The following SIK3 variants were observed in gnomAD, a reference collection of about 807,000 sequenced individuals.
SIK3 encodes the protein SIK family kinase 3.
Under a neutral mutation model 144.2 loss-of-function variants are expected in SIK3, and 28 were observed. The observed-to-expected ratio is 0.19, with a 90% CI of 0.14 to 0.27. The LOEUF is 0.27. Among genes scored for constraint, SIK3 ranks in the 10% least tolerant of loss-of-function variants. SIK3 has a pLI of 1.00. For synonymous variants in SIK3, 686 were observed against 676.3 expected, an observed-to-expected ratio of 1.01 and a Z score of -0.22; for missense variants, 1,319 against 1,776.0, an observed-to-expected ratio of 0.74 and a Z score of 4.62.
In SIK3 at chr11:117,098,201, A is replaced by G; in HGVS notation, c.215T>C (p.Ile72Thr). 6.6e-7 allele frequency: 1 copy of G among 1,520,502 alleles called. No individual in the cohort carries two copies. The highest frequency in any genetic ancestry group is 8.8e-7 in the Non-Finnish European group (1 of 1,134,638). The allele number at this position is 1,520,502 out of a possible 1,614,324, so 94.2% of individuals were successfully genotyped here. A position where few individuals can be genotyped will look rare whatever the true frequency, so the allele number is the denominator to read the frequency against. The change falls in exon 1 of 25, where the codon ATC becomes ACC. Residue 72 changes from isoleucine (I) to threonine (T), a missense_variant. By Grantham distance (89) the Ile-to-Thr change is moderately conservative. Transcript: ENST00000445177. ...GACCACCGCGAAGTTGCCCTTGCCG[A>G]TGGTGCGGTCGATCTCGTAGTAGCC... The part of the protein sequence containing the change: ...RIGYYEIDRT[I>T]GKGNFAVVKR...
In SIK3 at chr11:116,927,373, C is replaced by T. The variant is rs141017899; in HGVS notation, c.462G>A (p.Leu154=). The T allele has an allele frequency of 2.0e-5, 32 of 1,612,088 alleles. No individual in the cohort carries two copies. The East Asian group carries it at 7.1e-4, about 36-fold the overall frequency. ...YASGGEIFDH[L]VAHGRMAEKE... ...TTTCTGCCATTCTACCATGGGCCAC[C>T]AGGTGGTCTGTGTTGAAGAAGAATA... Residue 154 remains leucine, a synonymous_variant, in exon 4 of 25, where the codon CTG becomes CTA. Transcript: ENST00000445177.
intron 6 of SIK3, among the ~76,000 whole-genome samples, chr11:116,888,904 G>A (rs1400726833): frequency 6.6e-6 from 1 of 152,204 alleles, no homozygotes; most frequent in Non-Finnish European, 1.5e-5. Flanking sequence ...CTGACAGCAT[G>A]CTTAGCTGTT....
chr11:116,982,193 G>A (rs1015791527), intron 1 of SIK3, among the ~76,000 whole-genome samples: 1 of 152,024 alleles, frequency 6.6e-6, no homozygotes, highest in East Asian at 1.9e-4. Context: ...CTATGCTTAG[G>A]TACTACTTGT....
chr11:116,948,601 A>G (rs895629452), intron 3 of SIK3, among the ~76,000 whole-genome samples: 1 of 152,078 alleles, frequency 6.6e-6, no homozygotes, highest in African/African-American at 2.4e-5. Context: ...AAGGGACTGT[A>G]GTAATGTTCC....
At chr11:117,003,052 C>T (rs1950910474) in intron 1 of SIK3, among the ~76,000 whole-genome samples, 1 of 152,110 alleles carries the variant, frequency 6.6e-6, no homozygotes. Context: ...TTTGTAGTTG[C>T]CAGAGCAATA....
At chr11:117,087,422 G>A (rs952015652) in intron 1 of SIK3, among the ~76,000 whole-genome samples, 4 of 151,714 alleles carry the variant, frequency 2.6e-5, no homozygotes, top group African/African-American at 9.8e-5. Flanking sequence ...CAGCCTGGGT[G>A]ACAGAGCAAG....
chr11:117,055,679 G>C (rs758501503), intron 1 of SIK3, among the ~76,000 whole-genome samples: 1 of 152,244 alleles, frequency 6.6e-6, no homozygotes, highest in Non-Finnish European at 1.5e-5. Context: ...ACTTGGCTAG[G>C]GCCACAGTTT....
intron 1 of SIK3, among the ~76,000 whole-genome samples, chr11:117,003,872 C>T (rs1950946261): frequency 6.6e-6 from 1 of 152,090 alleles, no homozygotes; most frequent in African/African-American, 2.4e-5. Flanking sequence ...ATAGATTGGT[C>T]CCCATTGCTG....
At chr11:116,926,267 C>T (rs1354054793) in intron 4 of SIK3, among the ~76,000 whole-genome samples, 2 of 152,138 alleles carry the variant, frequency 1.3e-5, no homozygotes, top group African/African-American at 4.8e-5. Flanking sequence ...ACATAAATGG[C>T]TTATTTTCAT....
Position 116,964,501 on chromosome 11 carries a change from A to G in SIK3, c.274-7437T>C, listed in dbSNP as rs566446334. On this transcript the variant is annotated intron_variant, in intron 1 of 24. Coordinates refer to ENST00000445177, the MANE Select transcript of SIK3 (RefSeq NM_001366686.3). Reference sequence around the variant, plus strand: ...ATGCAAGGATGCTAGCCAACTCGAGACACAAGGACTCTACATGGCCAGCAA... The same window carrying G: ...ATGCAAGGATGCTAGCCAACTCGAGGCACAAGGACTCTACATGGCCAGCAA... Among the ~76,000 whole-genome samples, 64 of 152,288 alleles carry G rather than the reference A, an allele frequency of 4.2e-4. No individual in the cohort carries two copies. The South Asian group carries it at 9.3e-3, about 22-fold the overall frequency.
intron 1 of SIK3, among the ~76,000 whole-genome samples, chr11:116,964,796 C>T (rs570360113): frequency 2.0e-5 from 3 of 152,164 alleles, no homozygotes; most frequent in South Asian, 2.1e-4. Flanking sequence ...CAGGGAGAAT[C>T]GCTTGAACCC....
At chr11:116,972,344 T>C (rs939660533) in intron 1 of SIK3, among the ~76,000 whole-genome samples, 2 of 152,202 alleles carry the variant, frequency 1.3e-5, no homozygotes, top group Admixed American at 6.5e-5. Context: ...AATGAGTTGT[T>C]AAATATAAAC....
At chr11:116,847,805 G>T (rs1145206) in intron 22 of SIK3, among the ~76,000 whole-genome samples, 197 bp from the exon 23 acceptor site, 243 of 152,120 alleles carry the variant, frequency 1.6e-3, no homozygotes, top group African/African-American at 4.7e-3. Flanking sequence ...TCTGCCCAGT[G>T]GGGGGGCTGA....
rs562530373 is a variant in SIK3 at position 117,009,317 on chromosome 11, G to A, written c.274-52253C>T. Among the ~76,000 whole-genome samples the A allele has an allele frequency of 3.3e-5, 5 of 151,880 alleles. No homozygotes were observed. In the East Asian group the frequency reaches 9.7e-4, roughly 30 times the overall value. ...TCCCAGCACTTTGGGAGGCCAAGGA[G>A]GGAAGATTGCTTGAGCCCAGGAGTT... On this transcript the variant is annotated intron_variant, in intron 1 of 24. Coordinates refer to ENST00000445177, the MANE Select transcript of SIK3 (RefSeq NM_001366686.3).
intron 4 of SIK3, among the ~76,000 whole-genome samples, chr11:116,911,127 C>A (rs1946320232): frequency 1.3e-5 from 2 of 152,058 alleles, no homozygotes; most frequent in Non-Finnish European, 2.9e-5. Context: ...GAGCGAAACC[C>A]TGTCTTTTAA....
chr11:117,076,987 C>T (rs1954575382), intron 1 of SIK3, among the ~76,000 whole-genome samples: 1 of 152,168 alleles, frequency 6.6e-6, no homozygotes, highest in Non-Finnish European at 1.5e-5. Flanking sequence ...GAGACACTGT[C>T]TATACTAAAA....
chr11:116,896,243 A>G lies in SIK3; in HGVS notation c.865+10T>C, dbSNP rs775977454. The G allele has an allele frequency of 7.4e-6, 12 of 1,611,818 alleles. No homozygotes were observed. The South Asian group carries it at 9.9e-5, about 13-fold the overall frequency. On this transcript the variant is annotated intron_variant, in intron 6 of 24. Transcript: ENST00000445177. ...ACCCATTCATAGCTGTGTGCTAGCG[A>G]CTCCCTTACCTGTGGACATAAAAAA...
Position 116,857,614 on chromosome 11 carries a change from T to C in SIK3, c.3655+196A>G, listed in dbSNP as rs149121905. On this transcript the variant is annotated intron_variant, in intron 21 of 24. Transcript: ENST00000445177. ...TTGACTAAGTGTTAATTTTGTATCA[T>C]GGTCCTTTGATTTTGAAAATGGACC... is the stretch of plus-strand genomic sequence containing the variant. 2.0e-4 allele frequency: 158 copies of C among 789,234 alleles called. 1 individual carries two copies. In the East Asian group the frequency reaches 3.7e-3, roughly 18 times the overall value. The allele number at this position is 789,234 out of a possible 1,614,324, so 48.9% of individuals were successfully genotyped here.
intron 1 of SIK3, 142 bp from the exon 2 acceptor site, chr11:116,957,206 A>T (rs1042860351): frequency 1.9e-5 from 10 of 519,506 alleles, no homozygotes; most frequent in Non-Finnish European, 3.1e-5. Flanking sequence ...GAGGAAAATT[A>T]ATTTACTCTT....
Sources: gnomAD v4.1 joint callset for allele counts (sites outside exome capture counted in the v4.1 genomes callset) on GRCh38, gnomAD v4.1.1 for gene constraint, MANE v1.5 for transcripts, NCBI Gene and HGNC (gene_info 2026-07-23, HGNC 2026-07-21) for gene names.